Variants in RBFOX1 observed in about 807,000 individuals in gnomAD.
RBFOX1 encodes RNA binding fox-1 homolog 1.
In RBFOX1, 8 loss-of-function variants were observed where a neutral mutation model predicts 57.7. The observed-to-expected ratio is 0.14, with a 90% CI of 0.08 to 0.25. The LOEUF is 0.25. RBFOX1 is among the 10% of genes least tolerant of loss of function. The pLI is 1.00. For synonymous variants in RBFOX1, 326 were observed against 222.4 expected (o/e 1.47, Z -4.15); for missense variants, 611 against 548.5 (o/e 1.11, Z -1.14).
chr16:7,490,027 G>T (rs1413488742), intron 4 of RBFOX1, among the ~76,000 whole-genome samples: 1 of 152,132 alleles, frequency 6.6e-6, no homozygotes, highest in African/African-American at 2.4e-5. Context: ...AGGTAGACCT[G>T]TGTCTCCCCA....
intron 3 of RBFOX1, among the ~76,000 whole-genome samples, chr16:5,695,871 A>G (rs1458216113): frequency 6.6e-6 from 1 of 152,190 alleles, no homozygotes; most frequent in Non-Finnish European, 1.5e-5. Flanking sequence ...ATCATTCACT[A>G]TGCATATATG....
At chr16:6,878,558 A>G (rs1265872452) in intron 3 of RBFOX1, among the ~76,000 whole-genome samples, 1 of 152,210 alleles carries the variant, frequency 6.6e-6, no homozygotes, top group East Asian at 1.9e-4. Context: ...TTGTTGCCAC[A>G]GCATCACATG....
In RBFOX1 at chr16:5,937,062, C is replaced by T. The variant is rs574174549; in HGVS notation, c.351+69727C>T. 2.0e-5 allele frequency among the ~76,000 whole-genome samples: 3 copies of T among 151,456 alleles called. No homozygotes were observed. The East Asian group carries it at 5.8e-4, about 29-fold the overall frequency. On this transcript the variant is annotated intron_variant, in intron 4 of 19. Transcript: ENST00000641259. ...CAAATGGGGATAAAATCTGGTTTGT[C>T]TGCATCATAGACCTATTGTAAGGGC...
At chr16:5,753,218 G>T (rs957155338) in intron 3 of RBFOX1, among the ~76,000 whole-genome samples, 3 of 151,698 alleles carry the variant, frequency 2.0e-5, no homozygotes, top group African/African-American at 4.8e-5. Context: ...CTTCAATAAT[G>T]GTCCTTTTTG....
chr16:6,841,004 C>T (rs2093431583), intron 3 of RBFOX1, among the ~76,000 whole-genome samples: 1 of 152,114 alleles, frequency 6.6e-6, no homozygotes, highest in African/African-American at 2.4e-5. Context: ...CTGAATCTGC[C>T]AGCACCTTGG....
intron 1 of RBFOX1, among the ~76,000 whole-genome samples, chr16:6,072,294 C>G (rs137902223): frequency 2.2e-4 from 33 of 152,248 alleles, no homozygotes; most frequent in African/African-American, 7.7e-4. Context: ...AATGGGAGCT[C>G]CAATTTAAGG....
At chr16:6,033,242 A>G (rs371110676) in intron 1 of RBFOX1, among the ~76,000 whole-genome samples, 1 of 152,236 alleles carries the variant, frequency 6.6e-6, no homozygotes, top group East Asian at 1.9e-4. Flanking sequence ...ATTTGCCAGC[A>G]TGTAGTGCAA....
At chr16:6,052,556 G>C (rs897584085) in intron 1 of RBFOX1, among the ~76,000 whole-genome samples, 3 of 151,666 alleles carry the variant, frequency 2.0e-5, no homozygotes, top group Non-Finnish European at 4.4e-5. Context: ...AGGCCGAGGC[G>C]GGCGGATCAC....
chr16:6,689,370 T>C (rs2059894914), intron 3 of RBFOX1, among the ~76,000 whole-genome samples: 1 of 152,188 alleles, frequency 6.6e-6, no homozygotes, highest in South Asian at 2.1e-4. Context: ...ATATATTATA[T>C]ATGAAAATCT....
chr16:5,289,286 G>T, intron 1 of RBFOX1: 2 of 422,164 alleles, frequency 4.7e-6, no homozygotes, highest in South Asian at 5.5e-5. Flanking sequence ...GGCATCATGG[G>T]CATGTGGCCT....
chr16:6,742,181 GAAGAAA>G (rs1465937086), intron 3 of RBFOX1, among the ~76,000 whole-genome samples: 1 of 152,140 alleles, frequency 6.6e-6, no homozygotes, highest in Non-Finnish European at 1.5e-5. Flanking sequence ...AAAGTGACTT[GAAGAAA>G]TATTTTACCA....
chr16:5,707,810 G>C (rs2051308973), intron 3 of RBFOX1, among the ~76,000 whole-genome samples: 1 of 152,184 alleles, frequency 6.6e-6, no homozygotes, highest in Non-Finnish European at 1.5e-5. Flanking sequence ...TAAGACACTT[G>C]ACAAAGATTT....
chr16:7,340,183 C>T (rs1444700392), intron 4 of RBFOX1, among the ~76,000 whole-genome samples: 6 of 152,160 alleles, frequency 3.9e-5, no homozygotes, highest in Non-Finnish European at 5.9e-5. Flanking sequence ...GACCTCTTAC[C>T]AAAATGTGTT....
rs148949916 is a variant in RBFOX1 at position 6,184,990 on chromosome 16, C to G, written c.-126-132005C>G. Among the ~76,000 whole-genome samples, 8 of 152,278 alleles carry G rather than the reference C, an allele frequency of 5.3e-5. No individual in the cohort carries two copies. The East Asian group carries it at 1.5e-3, about 29-fold the overall frequency. ...AAGGAAGAGGAATTGCAGGTTTACA[C>G]TTGTGTGAATTCGGCATGAGGTGCC... is the stretch of plus-strand genomic sequence containing the variant. On this transcript the variant is annotated intron_variant, in intron 1 of 15. Coordinates refer to ENST00000550418, the MANE Select transcript of RBFOX1 (RefSeq NM_018723.4).
intron 2 of RBFOX1, chr16:5,467,344 C>G (rs1186491890): frequency 8.0e-7 from 1 of 1,256,412 alleles, no homozygotes; most frequent in Non-Finnish European, 1.1e-6. Flanking sequence ...AGCCCTGCAA[C>G]TTCACTGCCC....
intron 3 of RBFOX1, among the ~76,000 whole-genome samples, chr16:5,736,792 T>A (rs1193793896): frequency 6.6e-6 from 1 of 151,890 alleles, no homozygotes; most frequent in Non-Finnish European, 1.5e-5. Context: ...TATGTGTCTG[T>A]GAATTTGTCT....
chr16:7,692,487 G>C (rs2077562877), intron 14 of RBFOX1, among the ~76,000 whole-genome samples: 1 of 152,060 alleles, frequency 6.6e-6, no homozygotes, highest in Non-Finnish European at 1.5e-5. Context: ...TGATCCATAA[G>C]CATAATAAAA....
In RBFOX1 at chr16:6,058,716, TCCACCCACCCA is replaced by T; in HGVS notation, c.-127+38725_-127+38735del. On this transcript the variant is annotated intron_variant, in intron 1 of 15. Transcript: ENST00000550418. Reference sequence around the variant, plus strand: ...ACTCATCCATACATTCACCCACCCATCCACCCACCCATCCACCAATCCATCCACCTATCCAT... The same window carrying T: ...ACTCATCCATACATTCACCCACCCATTCCACCAATCCATCCACCTATCCAT... Among the ~76,000 whole-genome samples, 3 of 108,378 alleles carry T rather than the reference TCCACCCACCCA, an allele frequency of 2.8e-5. 1 individual carries two copies. In the South Asian group the frequency reaches 9.2e-4, roughly 33 times the overall value. 71.1% of individuals were successfully genotyped at this position (108,378 alleles called of 152,430 possible). A position where few individuals can be genotyped will look rare whatever the true frequency, so the allele number is the denominator to read the frequency against.
chr16:6,260,459 G>C (rs545482931), intron 1 of RBFOX1, among the ~76,000 whole-genome samples: 1 of 152,274 alleles, frequency 6.6e-6, no homozygotes, highest in South Asian at 2.1e-4. Flanking sequence ...GAAATGGAGT[G>C]GGCTAGACTG....
Sources: gnomAD v4.1 joint callset for allele counts (sites outside exome capture counted in the v4.1 genomes callset) on GRCh38, gnomAD v4.1.1 for gene constraint, MANE v1.5 for transcripts, NCBI Gene and HGNC (gene_info 2026-07-23, HGNC 2026-07-21) for gene names.